STARD9: variants seen among roughly 807,000 people sequenced by gnomAD.
The protein encoded by STARD9 is stAR-related lipid transfer protein 9.
STARD9 carries 346 observed loss-of-function variants against 399.8 expected under a neutral mutation model. The ratio of observed to expected loss-of-function variants is 0.87; its 90% CI spans 0.79 to 0.95. STARD9 has a LOEUF of 0.95. Among genes scored for constraint, STARD9 ranks in the 40% least tolerant of loss-of-function variants. The probability of loss-of-function intolerance (pLI) is 0.00; values close to 1 mark genes in which losing one functional copy is unlikely to be tolerated. For missense variants in STARD9, 5,832 were observed against 5,667.5 expected, an observed-to-expected ratio of 1.03 and a Z score of -0.93; for synonymous variants, 2,203 against 2,143.5, an observed-to-expected ratio of 1.03 and a Z score of -0.77.
rs2058161848 is a variant in STARD9 at position 42,581,228 on chromosome 15, T to A, written c.48-2118T>A. ...TGACTTCTACTTGTGGAGTCTTCAGTTAAGGTGCCAGGGCTAGTGACTCCC... is the reference window on the plus strand; with the variant it reads ...TGACTTCTACTTGTGGAGTCTTCAGATAAGGTGCCAGGGCTAGTGACTCCC... On this transcript the variant is annotated intron_variant, in intron 1 of 32. Transcript: ENST00000290607. 1.1e-5 allele frequency: 9 copies of A among 794,730 alleles called. No homozygotes were observed. In the South Asian group the frequency reaches 1.2e-4, roughly 11 times the overall value. The allele number at this position is 794,730 out of a possible 1,614,324, so 49.2% of individuals were successfully genotyped here. A position where few individuals can be genotyped will look rare whatever the true frequency, so the allele number is the denominator to read the frequency against.
At chr15:42,664,802 A>G (rs544345540) in intron 13 of STARD9, among the ~76,000 whole-genome samples, 1 of 151,814 alleles carries the variant, frequency 6.6e-6, no homozygotes, top group East Asian at 1.9e-4. Flanking sequence ...ACACACACAC[A>G]CACACACACA....
intron 3 of STARD9, among the ~76,000 whole-genome samples, chr15:42,605,314 A>C (rs2058705716): frequency 6.6e-6 from 1 of 152,216 alleles, no homozygotes; most frequent in Non-Finnish European, 1.5e-5. Context: ...CTTATTTTTC[A>C]AGTATGAGGC....
chr15:42,684,373 A>G lies in STARD9; in HGVS notation c.2795A>G (p.Gln932Arg). 1 of 1,537,010 alleles carries G rather than the reference A, an allele frequency of 6.5e-7. No individual in the cohort carries two copies. Among genetic ancestry groups the G allele is most frequent in the Non-Finnish European group, 8.7e-7 (1 of 1,146,802 alleles). ...ATGAGTCCCAACTCTGTTGGCATCC[A>G]GGAAATGGAGATGGGGGTTAAGCAG... ...LTMSPNSVGIQEMEMGVKQPH... is the reference protein window; with the variant it reads ...LTMSPNSVGIREMEMGVKQPH... Residue 932 changes from glutamine (Q) to arginine (R), a missense_variant, in exon 23 of 33, where the codon CAG (glutamine) becomes CGG (arginine). Physicochemically the swap from Gln to Arg is conservative, Grantham distance 43. Transcript: ENST00000290607.
chr15:42,677,290 G>C (rs1367465571), intron 20 of STARD9, among the ~76,000 whole-genome samples: 3 of 152,102 alleles, frequency 2.0e-5, no homozygotes, highest in South Asian at 2.1e-4. Context: ...ACAATGCTGT[G>C]ATTCAGGAAA....
intron 3 of STARD9, among the ~76,000 whole-genome samples, chr15:42,608,034 G>GT (rs557352614): frequency 2.6e-4 from 40 of 152,068 alleles, no homozygotes; most frequent in East Asian, 1.9e-3. Context: ...CTTATTTTTT[G>GT]TTTTTTTGCA....
chr15:42,597,536 TTTTG>T (rs1228292623), intron 3 of STARD9, among the ~76,000 whole-genome samples: 7 of 151,204 alleles, frequency 4.6e-5, no homozygotes, highest in African/African-American at 7.3e-5. Context: ...CCTGGCTAAT[TTTTG>T]TTTGTTTGTT....
chr15:42,664,786 T>A (rs1423049866), intron 13 of STARD9, among the ~76,000 whole-genome samples: 1 of 133,982 alleles, frequency 7.5e-6, no homozygotes, highest in African/African-American at 3.5e-5. Flanking sequence ...TTGTTTATCC[T>A]TTAACACACA....
Position 42,700,112 on chromosome 15 carries a change from A to AT in STARD9, c.13284+4236dup, listed in dbSNP as rs553303800. Reference sequence around the variant, plus strand: ...CACCCATGTTGCCACAAATGACAGAATTTTATTCTGTTTTATGGCTGAATA... The same window carrying AT: ...CACCCATGTTGCCACAAATGACAGAATTTTTATTCTGTTTTATGGCTGAATA... On this transcript the variant is annotated intron_variant, in intron 26 of 32. Coordinates refer to ENST00000290607, the MANE Select transcript of STARD9 (RefSeq NM_020759.3). Among the ~76,000 whole-genome samples the AT allele has an allele frequency of 3.9e-5, 6 of 152,330 alleles. No homozygotes were observed. In the East Asian group the frequency reaches 9.6e-4, roughly 24 times the overall value.
At chr15:42,629,655 C>T (rs552240199) in intron 3 of STARD9, among the ~76,000 whole-genome samples, 4 of 152,082 alleles carry the variant, frequency 2.6e-5, no homozygotes, top group Non-Finnish European at 5.9e-5. Context: ...CATTGAATAA[C>T]CGTGGTGAAA....
At chr15:42,717,210 C>T (rs542665569) in intron 28 of STARD9, among the ~76,000 whole-genome samples, 162 bp downstream of exon 28, 8 of 152,036 alleles carry the variant, frequency 5.3e-5, no homozygotes, top group African/African-American at 9.7e-5. Flanking sequence ...TCGGGTCAGG[C>T]GCAGTAGCTC....
At chr15:42,698,220 T>G (rs2060886670) in intron 26 of STARD9, among the ~76,000 whole-genome samples, 1 of 152,226 alleles carries the variant, frequency 6.6e-6, no homozygotes, top group African/African-American at 2.4e-5. Flanking sequence ...TCATGTATCA[T>G]TTTGTACATA....
intron 3 of STARD9, among the ~76,000 whole-genome samples, chr15:42,599,518 G>T (rs372914651): frequency 6.6e-6 from 1 of 152,066 alleles, no homozygotes; most frequent in Non-Finnish European, 1.5e-5. Context: ...GTTCTTTAAG[G>T]TTCAGTTAAA....
chr15:42,709,948 G>A lies in STARD9; in HGVS notation c.13285-6729G>A, dbSNP rs559444117. On this transcript the variant is annotated intron_variant, in intron 26 of 32. Coordinates refer to ENST00000290607, the MANE Select transcript of STARD9 (RefSeq NM_020759.3). ...AGTTTGGAATCATATTCTTTGGGGC[G>A]TAATTCAATACAGTACTGTCATTAT... is the stretch of plus-strand genomic sequence containing the variant. Among the ~76,000 whole-genome samples the A allele has an allele frequency of 2.4e-4, 36 of 151,728 alleles. 1 individual carries two copies. Among genetic ancestry groups the A allele is most frequent in the East Asian group, 9.6e-4 (5 of 5,186 alleles).
chr15:42,614,410 G>T (rs1294399379), intron 3 of STARD9, among the ~76,000 whole-genome samples: 1 of 152,050 alleles, frequency 6.6e-6, no homozygotes, highest in Admixed American at 6.6e-5. Flanking sequence ...GAGCAAAACC[G>T]AATGGCCCAA....
At chr15:42,598,000 A>G (rs12904592) in intron 3 of STARD9, among the ~76,000 whole-genome samples, 67,424 of 115,236 alleles carry the variant, frequency 0.59, 22,190 homozygotes, top group Non-Finnish European at 0.73. Context: ...GTATATATAT[A>G]TGTGTGTGTG....
chr15:42,693,620 A>G lies in STARD9; in HGVS notation c.12042A>G (p.Arg4014=), dbSNP rs1234926769. The G allele has an allele frequency of 2.0e-6, 3 of 1,537,248 alleles. No individual in the cohort carries two copies. Among genetic ancestry groups the G allele is most frequent in the Non-Finnish European group, 2.6e-6 (3 of 1,146,910 alleles). The part of the protein sequence containing the change: ...QPRTTIGVQS[R]LLPPPLRHRS... ...GGACAACTATCGGGGTCCAAAGCAG[A>G]CTGCTGCCACCACCACTGAGGCACA... The change falls in exon 23 of 33, where the codon AGA becomes AGG. Residue 4014 remains arginine (R), a synonymous_variant. Coordinates refer to ENST00000290607, the MANE Select transcript of STARD9 (RefSeq NM_020759.3).
intron 1 of STARD9, chr15:42,581,212 C>T: frequency 1.3e-6 from 1 of 782,606 alleles, no homozygotes; most frequent in Non-Finnish European, 2.4e-6. Flanking sequence ...TTGACTTCTA[C>T]TTGTGGAGTC....
Position 42,692,389 on chromosome 15 carries a change from C to A in STARD9, c.10811C>A (p.Pro3604His). 1 of 1,536,946 alleles carries A rather than the reference C, an allele frequency of 6.5e-7. No individual in the cohort carries two copies. The highest frequency in any genetic ancestry group is 1.4e-5 in the African/African-American group (1 of 73,132). Residue 3604 changes from proline to histidine, a missense_variant, in exon 23 of 33, where the codon CCC (proline) becomes CAC (histidine). Pro to His is a moderately conservative substitution (Grantham distance 77). This residue lies in a region of STARD9 where 5,828 missense variants were observed against 5,651.1 expected (regional missense o/e 1.03). Coordinates refer to ENST00000290607, the MANE Select transcript of STARD9 (RefSeq NM_020759.3). ...SGEADCLRSK[P>H]PLAKGSAAGP... ...GAAGCAGACTGTCTGAGGAGTAAGC[C>A]CCCCTTGGCCAAAGGAAGTGCTGCA...
chr15:42,709,394 TCTTGGAGACTAG>T (rs2061161919), intron 26 of STARD9, among the ~76,000 whole-genome samples: 1 of 151,980 alleles, frequency 6.6e-6, no homozygotes, highest in South Asian at 2.1e-4. Context: ...TCTCAAAAAA[TCTTGGAGACTAG>T]CTGGGCAAGG....
Sources: allele counts gnomAD v4.1 joint callset (sites outside exome capture counted in the v4.1 genomes callset), GRCh38; gene constraint gnomAD v4.1.1; regional missense constraint gnomAD v4.1.1; transcripts MANE v1.5; gene names NCBI Gene and HGNC (gene_info 2026-07-23, HGNC 2026-07-21).